ADGRL3: variants seen among roughly 807,000 people sequenced by gnomAD.
ADGRL3 encodes the protein adhesion G protein-coupled receptor L3.
Under a neutral mutation model 153.5 loss-of-function variants are expected in ADGRL3, and 62 were observed. The observed-to-expected ratio is 0.40, with a 90% CI of 0.33 to 0.50. ADGRL3 has a LOEUF of 0.50. Ranked by LOEUF, ADGRL3 falls within the 20% of genes least tolerant of loss-of-function variation. The pLI, the probability that ADGRL3 is intolerant of heterozygous loss-of-function variation, is 0.47. For synonymous variants in ADGRL3, 710 were observed against 672.5 expected, an observed-to-expected ratio of 1.06 and a Z score of -0.86; for missense variants, 1,641 against 1,859.4, an observed-to-expected ratio of 0.88 and a Z score of 2.16.
intron 15 of ADGRL3, among the ~76,000 whole-genome samples, chr4:61,938,668 T>G (rs1055884217): frequency 7.2e-5 from 11 of 152,078 alleles, no homozygotes; most frequent in African/African-American, 2.7e-4. Flanking sequence ...CACTTCCTGC[T>G]TCTTTGTGTC....
rs908583027 is a variant in ADGRL3 at position 61,267,043 on chromosome 4, A to T, written c.-240+65278A>T. Among the ~76,000 whole-genome samples the T allele has an allele frequency of 2.0e-5, 3 of 151,766 alleles. No individual in the cohort carries two copies. The East Asian group carries it at 5.8e-4, about 29-fold the overall frequency. On this transcript the variant is annotated intron_variant, in intron 1 of 26. Coordinates refer to ENST00000683033, the MANE Select transcript of ADGRL3 (RefSeq NM_001387552.1). The stretch of plus-strand genomic sequence containing the variant: ...AATACTGAGCCTAATAGTAGGTTTG[A>T]TGTATTGAATGTCATACTTAAAACA...
intron 9 of ADGRL3, among the ~76,000 whole-genome samples, chr4:61,851,288 A>T (rs1437764079): frequency 6.6e-6 from 1 of 152,064 alleles, no homozygotes; most frequent in Non-Finnish European, 1.5e-5. Flanking sequence ...TTAGAATGTT[A>T]ATAAAAAGTG....
intron 21 of ADGRL3, among the ~76,000 whole-genome samples, chr4:62,008,050 G>A (rs1325195502): frequency 1.3e-5 from 2 of 152,104 alleles, no homozygotes; most frequent in African/African-American, 4.8e-5. Flanking sequence ...GGGATCTTTG[G>A]TGAACTTGAC....
intron 9 of ADGRL3, among the ~76,000 whole-genome samples, chr4:61,818,181 G>C (rs534809957): frequency 4.5e-4 from 68 of 152,216 alleles, no homozygotes; most frequent in Non-Finnish European, 8.1e-4. Flanking sequence ...AGATATAATG[G>C]GGGTAGAGGC....
intron 1 of ADGRL3, among the ~76,000 whole-genome samples, chr4:61,304,561 G>GT (rs914257355): frequency 2.6e-5 from 4 of 152,120 alleles, no homozygotes; most frequent in Admixed American, 6.5e-5. Context: ...TCCCTGTCAT[G>GT]TTTTTTTCCC....
chr4:61,246,755 A>C (rs1051260151), intron 1 of ADGRL3, among the ~76,000 whole-genome samples: 4 of 151,678 alleles, frequency 2.6e-5, no homozygotes, highest in African/African-American at 9.7e-5. Context: ...ATATATTATA[A>C]AACTTAGCAT....
chr4:61,981,808 A>G (rs2099069373), intron 18 of ADGRL3, among the ~76,000 whole-genome samples: 1 of 152,182 alleles, frequency 6.6e-6, no homozygotes, highest in Non-Finnish European at 1.5e-5. Context: ...ATGTGTCCAT[A>G]TGTATGGAGT....
At chr4:61,305,578 C>G (rs1239831654) in intron 1 of ADGRL3, among the ~76,000 whole-genome samples, 1 of 152,156 alleles carries the variant, frequency 6.6e-6, no homozygotes, top group Non-Finnish European at 1.5e-5. Context: ...TTTGGGTTCA[C>G]TCTTCCTAGA....
chr4:61,573,750 T>C (rs552961343), intron 4 of ADGRL3, among the ~76,000 whole-genome samples: 14 of 152,128 alleles, frequency 9.2e-5, no homozygotes, highest in African/African-American at 1.4e-4. Context: ...ATACTTCTTA[T>C]TGACCTATAT....
At chr4:61,576,604 C>G (rs1560870446) in intron 4 of ADGRL3, among the ~76,000 whole-genome samples, 2 of 145,518 alleles carry the variant, frequency 1.4e-5, no homozygotes, top group Admixed American at 7.1e-5. Flanking sequence ...GTGCAGTCAA[C>G]TTATTAATAA....
intron 1 of ADGRL3, among the ~76,000 whole-genome samples, chr4:61,295,565 G>C (rs539501885): frequency 6.6e-6 from 1 of 152,054 alleles, no homozygotes; most frequent in East Asian, 1.9e-4. Flanking sequence ...AACTGAGCAA[G>C]TTAATAATTG....
Position 61,262,794 on chromosome 4 carries a change from T to C in ADGRL3, c.-240+61029T>C, listed in dbSNP as rs1341919895. Reference sequence around the variant, plus strand: ...ACGGAATCACAGACTCCTTATCCTTTTTATCAAATAATTTGAATTATGTGG... The same window carrying C: ...ACGGAATCACAGACTCCTTATCCTTCTTATCAAATAATTTGAATTATGTGG... On this transcript the variant is annotated intron_variant, in intron 1 of 26. Coordinates refer to ENST00000683033, the MANE Select transcript of ADGRL3 (RefSeq NM_001387552.1). Among the ~76,000 whole-genome samples the C allele has an allele frequency of 2.0e-5, 3 of 152,252 alleles. No individual in the cohort carries two copies. In the South Asian group the frequency reaches 6.2e-4, roughly 32 times the overall value.
intron 9 of ADGRL3, among the ~76,000 whole-genome samples, chr4:61,869,591 C>T (rs769383475): frequency 1.3e-5 from 2 of 151,470 alleles, no homozygotes; most frequent in Non-Finnish European, 2.9e-5. Flanking sequence ...GGCGACAGAG[C>T]GAGACTCCGT....
At chr4:61,819,146 G>A (rs2097722114) in intron 9 of ADGRL3, among the ~76,000 whole-genome samples, 1 of 152,072 alleles carries the variant, frequency 6.6e-6, no homozygotes, top group African/African-American at 2.4e-5. Context: ...CATGCAAAAT[G>A]TACATACATC....
At chr4:61,874,869 C>T (rs1223414610) in intron 9 of ADGRL3, among the ~76,000 whole-genome samples, 3 of 122,050 alleles carry the variant, frequency 2.5e-5, no homozygotes, top group African/African-American at 6.1e-5. Context: ...ACTGCAGTGG[C>T]GCAATCTCGG....
chr4:62,044,780 T>A (rs374649604), intron 25 of ADGRL3, among the ~76,000 whole-genome samples: 1 of 152,082 alleles, frequency 6.6e-6, no homozygotes, highest in Admixed American at 6.6e-5. Flanking sequence ...TAAAAAACTT[T>A]TTTTCCTAGT....
intron 2 of ADGRL3, among the ~76,000 whole-genome samples, chr4:61,477,361 G>C (rs1440285980): frequency 1.2e-5 from 1 of 83,400 alleles, no homozygotes; most frequent in Non-Finnish European, 2.5e-5. Context: ...ATATAGAATA[G>C]TGATGTTACA....
In ADGRL3 at chr4:61,374,622, AG is replaced by A. The variant is rs60838840; in HGVS notation, c.-239-8497del. On this transcript the variant is annotated intron_variant, in intron 1 of 26. Transcript: ENST00000683033. The stretch of plus-strand genomic sequence containing the variant: ...GCGATGCACTACAGGCAATGTGGGA[AG>A]GGGGCAGAGAAAAAAGGAGAAAGCA... Among the ~76,000 whole-genome samples, 701 of 152,246 alleles carry A rather than the reference AG, an allele frequency of 4.6e-3. 5 individuals carry two copies. Among genetic ancestry groups the A allele is most frequent in the African/African-American group, 0.016 (670 of 41,550 alleles).
intron 4 of ADGRL3, among the ~76,000 whole-genome samples, chr4:61,549,609 A>AT (rs2098731101): frequency 7.6e-6 from 1 of 130,924 alleles, no homozygotes; most frequent in Non-Finnish European, 1.6e-5. Context: ...ACTAGATGTT[A>AT]TTTTTTATGT....
Sources: allele counts gnomAD v4.1 joint callset (sites outside exome capture counted in the v4.1 genomes callset), GRCh38; gene constraint gnomAD v4.1.1; transcripts MANE v1.5; gene names NCBI Gene and HGNC (gene_info 2026-07-23, HGNC 2026-07-21).